The following SP3 variants were observed in gnomAD, a reference collection of about 807,000 sequenced individuals.
SP3 encodes the protein Sp3 transcription factor.
Under a neutral mutation model 70.3 loss-of-function variants are expected in SP3, and 10 were observed. The ratio of observed to expected loss-of-function variants is 0.14; its 90% CI spans 0.09 to 0.24. SP3 has a LOEUF of 0.24. Among genes scored for constraint, SP3 ranks in the 10% least tolerant of loss-of-function variants. SP3 has a pLI of 1.00. For missense variants in SP3, 825 were observed against 914.6 expected, an observed-to-expected ratio of 0.90 and a Z score of 1.26; for synonymous variants, 402 against 333.5, an observed-to-expected ratio of 1.21 and a Z score of -2.24.
rs140975263 is a variant in SP3, at chr2:173,937,051, T to G, written c.1639+17822A>C. Among the ~76,000 whole-genome samples, 800 of 152,316 alleles carry G rather than the reference T, an allele frequency of 5.3e-3. 3 individuals carry two copies. The highest frequency in any genetic ancestry group is 0.018 in the African/African-American group (764 of 41,556). On this transcript the variant is annotated intron_variant, in intron 4 of 6. Transcript: ENST00000310015. The stretch of plus-strand genomic sequence containing the variant: ...TACTCCATGTATCTATCTTAAATAC[T>G]CCAATAAATCTGTAAGCTTCTTGAG...
In SP3 at chr2:173,907,703, C is replaced by T. The variant is rs1436163502; in HGVS notation, c.*2238G>A. ...TTAATGGGCAGTTTGCTCAAGTGAA[C>T]CACCTGCTGCTCACTTAATTCTCTT... is the stretch of plus-strand genomic sequence containing the variant. On this transcript the variant is annotated 3_prime_UTR_variant, in exon 7 of 7. Transcript: ENST00000310015. The T allele has an allele frequency of 6.6e-6, 1 of 152,094 alleles. No homozygotes were observed. Among genetic ancestry groups the T allele is most frequent in the Non-Finnish European group, 1.5e-5 (1 of 67,982 alleles). 9.4% of individuals were successfully genotyped at this position (152,094 alleles called of 1,614,324 possible).
At chr2:173,934,316 T>C (rs1486779818) in intron 4 of SP3, among the ~76,000 whole-genome samples, 2 of 152,194 alleles carry the variant, frequency 1.3e-5, no homozygotes, top group African/African-American at 4.8e-5. Flanking sequence ...AATACCATTT[T>C]TTAAATTCAT....
rs926580699 is a variant in SP3 at position 173,913,116 on chromosome 2, T to C, written c.1983A>G (p.Arg661=). Residue 661 remains arginine, a synonymous_variant, in exon 6 of 7, where the codon AGA becomes AGG. Coordinates refer to ENST00000310015, the MANE Select transcript of SP3 (RefSeq NM_003111.5). ...FVCNWMYCGK[R]FTRSDELQRH... ...TCTGTAATTCATCACTTCGAGTAAA[T>C]CTTTTACCACAGTACATCCAGTTAC... 4 of 1,611,800 alleles carry C rather than the reference T, an allele frequency of 2.5e-6. No individual in the cohort carries two copies. Among genetic ancestry groups the C allele is most frequent in the Non-Finnish European group, 3.4e-6 (4 of 1,178,786 alleles).
rs549707988 is a variant in SP3 at position 173,961,891 on chromosome 2, A to C, written c.279+1870T>G. 1.4e-4 allele frequency among the ~76,000 whole-genome samples: 21 copies of C among 151,722 alleles called. 1 individual carries two copies. The South Asian group carries it at 4.4e-3, about 32-fold the overall frequency. On this transcript the variant is annotated intron_variant, in intron 3 of 6. Coordinates refer to ENST00000310015, the MANE Select transcript of SP3 (RefSeq NM_003111.5). ...TCTTACCAATTTTACTCAAAGTGAA[A>C]AATCTTGGGTGCAGGTACCAGACAT...
At chr2:173,919,399 T>C (rs1334756571) in intron 4 of SP3, among the ~76,000 whole-genome samples, 1 of 152,218 alleles carries the variant, frequency 6.6e-6, no homozygotes, top group Non-Finnish European at 1.5e-5. Context: ...TTAATACAGA[T>C]ACTTTAAAAA....
At chr2:173,944,176 C>T (rs1690463444) in intron 4 of SP3, among the ~76,000 whole-genome samples, 1 of 152,188 alleles carries the variant, frequency 6.6e-6, no homozygotes, top group African/African-American at 2.4e-5. Flanking sequence ...AATGATGGTC[C>T]TATTTTCATC....
chr2:173,912,049 GC>G (rs1689500511), intron 6 of SP3, among the ~76,000 whole-genome samples: 1 of 152,092 alleles, frequency 6.6e-6, no homozygotes, highest in Non-Finnish European at 1.5e-5. Flanking sequence ...AACTCCTGAG[GC>G]TCAAGCAATC....
chr2:173,938,229 G>C (rs998656044), intron 4 of SP3, among the ~76,000 whole-genome samples: 5 of 151,988 alleles, frequency 3.3e-5, no homozygotes, highest in Non-Finnish European at 7.4e-5. Flanking sequence ...GGCCAAGGAG[G>C]GTGGATCACC....
At chr2:173,936,634 C>G (rs1258922596) in intron 4 of SP3, among the ~76,000 whole-genome samples, 1 of 152,034 alleles carries the variant, frequency 6.6e-6, no homozygotes, top group African/African-American at 2.4e-5. Context: ...GATGTATAAT[C>G]TAAAAAAGAA....
chr2:173,936,323 T>A (rs1387110203), intron 4 of SP3, among the ~76,000 whole-genome samples: 1 of 152,168 alleles, frequency 6.6e-6, no homozygotes, highest in Non-Finnish European at 1.5e-5. Flanking sequence ...CTGGCCCCGC[T>A]CCTACCTTCT....
chr2:173,919,912 A>G (rs1290787499), intron 4 of SP3, among the ~76,000 whole-genome samples: 1 of 152,202 alleles, frequency 6.6e-6, no homozygotes, highest in Non-Finnish European at 1.5e-5. Flanking sequence ...CAAAATTTAC[A>G]GCAATGTTAT....
chr2:173,918,888 A>C (rs1169085430), intron 4 of SP3, 103 bp from the exon 5 acceptor site: 1 of 961,516 alleles, frequency 1.0e-6, no homozygotes, highest in East Asian at 2.6e-5. Context: ...CTTTGCATGC[A>C]CTACTTCTCT....
rs61737509 is a variant in SP3 at position 173,955,312 on chromosome 2, A to C, written c.1200T>G (p.Leu400=). ...TAQPVVQHLQ[L]QESQQPTSQA... is the part of the protein sequence containing the mutation. ...GACTGGTTGGCTGCTGAGACTCTTGAAGTTGTAGATGCTGTACAACAGGCT... is the reference window on the plus strand; with the variant it reads ...GACTGGTTGGCTGCTGAGACTCTTGCAGTTGTAGATGCTGTACAACAGGCT... The change falls in exon 4 of 7, where the codon CTT becomes CTG. Residue 400 remains leucine (L), a synonymous_variant. Transcript: ENST00000310015. The C allele has an allele frequency of 1.3e-3, 2,032 of 1,614,110 alleles. 14 individuals carry two copies. In the African/African-American group the frequency reaches 0.023, roughly 18 times the overall value.
chr2:173,911,535 C>T (rs1336368946), intron 6 of SP3, among the ~76,000 whole-genome samples: 5 of 152,146 alleles, frequency 3.3e-5, no homozygotes, highest in African/African-American at 1.2e-4. Context: ...TGCAAGCTGT[C>T]AATCTAGCAT....
rs1215872984 is a variant in SP3 at position 173,904,555 on chromosome 2, T to C, written c.*5386A>G. The stretch of plus-strand genomic sequence containing the variant: ...AGGAATCAAGAAAGCCATTTTCTTT[T>C]TCTTCTGGGGTTGAATGTCATCTTT... On this transcript the variant is annotated 3_prime_UTR_variant, in exon 7 of 7. Coordinates refer to ENST00000310015, the MANE Select transcript of SP3 (RefSeq NM_003111.5). Among the ~76,000 whole-genome samples the C allele has an allele frequency of 6.6e-6, 1 of 152,204 alleles. No homozygotes were observed. The highest frequency in any genetic ancestry group is 2.4e-5 in the African/African-American group (1 of 41,442).
chr2:173,960,706 T>C (rs948668611), intron 3 of SP3, among the ~76,000 whole-genome samples: 3 of 152,204 alleles, frequency 2.0e-5, no homozygotes, highest in South Asian at 2.1e-4. Context: ...CGCAGTGGCT[T>C]ACGCCTGTAA....
At position 173,900,921 on chromosome 2, in the gene SP3, C is replaced by T. The variant is rs537647064; in HGVS notation, c.*9020G>A. On this transcript the variant is annotated 3_prime_UTR_variant, in exon 7 of 7. Coordinates refer to ENST00000310015, the MANE Select transcript of SP3 (RefSeq NM_003111.5). ...GTAATTCTAATAAAAAACCTTAACC[C>T]GATTGTTTAATTCTACATAATCATT... 7.9e-5 allele frequency among the ~76,000 whole-genome samples: 12 copies of T among 152,210 alleles called. No individual in the cohort carries two copies. The South Asian group carries it at 1.0e-3, about 13-fold the overall frequency.
chr2:173,944,792 G>C (rs1356534410), intron 4 of SP3, among the ~76,000 whole-genome samples: 1 of 152,048 alleles, frequency 6.6e-6, no homozygotes, highest in Non-Finnish European at 1.5e-5. Context: ...AAAAATTAAA[G>C]AGAAAAGTAC....
Position 173,910,205 on chromosome 2 carries a change from G to A in SP3, c.2082C>T (p.Asp694=). 6.2e-7 allele frequency: 1 copy of A among 1,613,912 alleles called. No individual in the cohort carries two copies. Among genetic ancestry groups the A allele is most frequent in the Non-Finnish European group, 8.5e-7 (1 of 1,179,888 alleles). ...GTGTTTTAATATGTTTGGCAAGGTG[G>A]TCACTTCTCATAAAGCGTTTTGAAC... ...PECSKRFMRS[D]HLAKHIKTHQ... The change falls in exon 7 of 7, where the codon GAC becomes GAT. Residue 694 remains aspartate, a synonymous_variant. Coordinates refer to ENST00000310015, the MANE Select transcript of SP3 (RefSeq NM_003111.5).
Sources: allele counts gnomAD v4.1 joint callset (sites outside exome capture counted in the v4.1 genomes callset), GRCh38; gene constraint gnomAD v4.1.1; transcripts MANE v1.5; gene names NCBI Gene and HGNC (gene_info 2026-07-23, HGNC 2026-07-21).